Variants in LINGO2 observed in about 807,000 individuals in gnomAD.
The protein encoded by LINGO2 is leucine-rich repeat and immunoglobulin-like domain-containing nogo receptor-interacting protein 2.
In LINGO2, 14 loss-of-function variants were observed where a neutral mutation model predicts 30.6. That is an observed-to-expected ratio of 0.46 (90% CI 0.30 to 0.72). LINGO2 has a LOEUF of 0.72. Among genes scored for constraint, LINGO2 ranks in the 30% least tolerant of loss-of-function variants. The probability of loss-of-function intolerance (pLI) is 0.07; values close to 1 mark genes in which losing one functional copy is unlikely to be tolerated. For missense variants in LINGO2, 729 were observed against 751.7 expected (o/e 0.97, Z 0.35); for synonymous variants, 317 against 288.5 (o/e 1.10, Z -1.00).
the LINGO2 span, among the ~76,000 whole-genome samples, chr9:29,084,182 A>T: frequency 8.2e-6 from 1 of 121,560 alleles, no homozygotes; most frequent in African/African-American, 3.7e-5. Context: ...ATAAACCTAG[A>T]TTATTCTACA....
intron 5 of LINGO2, among the ~76,000 whole-genome samples, chr9:27,972,035 C>A (rs1045581182): frequency 1.3e-5 from 2 of 152,092 alleles, no homozygotes; most frequent in African/African-American, 2.4e-5. Context: ...CTTCTTTGAT[C>A]CTTTCCCTAA....
At chr9:28,081,370 CTT>C (rs1825768798) in intron 4 of LINGO2, among the ~76,000 whole-genome samples, 1 of 151,606 alleles carries the variant, frequency 6.6e-6, no homozygotes, top group Admixed American at 6.6e-5. Flanking sequence ...TAAATTACCT[CTT>C]ATGATGAACC....
intron 1 of LINGO2, among the ~76,000 whole-genome samples, chr9:28,604,782 A>G (rs866686330): frequency 6.6e-6 from 1 of 152,002 alleles, no homozygotes; most frequent in South Asian, 2.1e-4. Flanking sequence ...CATATTTACA[A>G]TTGAAATGGG....
At chr9:28,356,954 T>C (rs914733202) in intron 3 of LINGO2, among the ~76,000 whole-genome samples, 4 of 151,918 alleles carry the variant, frequency 2.6e-5, no homozygotes, top group Non-Finnish European at 5.9e-5. Flanking sequence ...TTTAAAGGGC[T>C]ACACACTAAC....
chr9:29,153,518 G>C, the LINGO2 span, among the ~76,000 whole-genome samples: 1 of 152,068 alleles, frequency 6.6e-6, no homozygotes, highest in African/African-American at 2.4e-5. Flanking sequence ...TTTATTATTT[G>C]TTTTTGGAAA....
intron 1 of LINGO2, among the ~76,000 whole-genome samples, chr9:28,585,456 T>C (rs893745444): frequency 3.3e-5 from 5 of 151,958 alleles, no homozygotes; most frequent in African/African-American, 4.8e-5. Flanking sequence ...CTTAGGATTT[T>C]TTGAAGTTAT....
intron 3 of LINGO2, among the ~76,000 whole-genome samples, chr9:28,357,217 T>C (rs2134482937): frequency 6.6e-6 from 1 of 152,016 alleles, no homozygotes; most frequent in East Asian, 1.9e-4. Flanking sequence ...ATACTTATTC[T>C]ATAGGCTTAA....
At chr9:29,209,835 C>A in the LINGO2 span, among the ~76,000 whole-genome samples, 3 of 152,048 alleles carry the variant, frequency 2.0e-5, no homozygotes, top group Non-Finnish European at 4.4e-5. Context: ...GAAATATTTA[C>A]ATAAATTGAG....
At chr9:28,609,156 G>GTTT (rs397942277) in intron 1 of LINGO2, among the ~76,000 whole-genome samples, 5,819 of 140,948 alleles carry the variant, frequency 0.041, 151 homozygotes, top group African/African-American at 0.061. Flanking sequence ...GAGCTAAAGA[G>GTTT]TTTTTTTTTT....
chr9:28,358,085 A>G (rs1430153910), intron 3 of LINGO2, among the ~76,000 whole-genome samples: 3 of 152,198 alleles, frequency 2.0e-5, no homozygotes, highest in Non-Finnish European at 4.4e-5. Context: ...TATTATAACT[A>G]CACCAAAACT....
chr9:28,813,382 C>T, the LINGO2 span, among the ~76,000 whole-genome samples: 4,404 of 152,208 alleles, frequency 0.029, 214 homozygotes, highest in African/African-American at 0.096. Flanking sequence ...TAACAATATA[C>T]TGTAGTAAAT....
At chr9:28,618,750 G>C (rs536227130) in intron 1 of LINGO2, among the ~76,000 whole-genome samples, 168 of 152,136 alleles carry the variant, frequency 1.1e-3, no homozygotes, top group African/African-American at 3.9e-3. Context: ...CAGTCTAAAG[G>C]AGACACCAAG....
the LINGO2 span, among the ~76,000 whole-genome samples, chr9:29,147,833 T>G: frequency 3.3e-5 from 5 of 152,066 alleles, no homozygotes; most frequent in African/African-American, 4.8e-5. Context: ...ATTAAAACCA[T>G]CTGCAAACTA....
intron 2 of LINGO2, among the ~76,000 whole-genome samples, chr9:28,470,072 A>C (rs965425761): frequency 5.9e-5 from 9 of 152,192 alleles, no homozygotes; most frequent in Admixed American, 2.0e-4. Flanking sequence ...TGAAATCAAT[A>C]ACATAAAGAT....
intron 1 of LINGO2, among the ~76,000 whole-genome samples, chr9:28,585,236 C>T (rs928358119): frequency 1.4e-4 from 21 of 152,160 alleles, no homozygotes; most frequent in Non-Finnish European, 2.6e-4. Context: ...TCTGTTTTAA[C>T]TGGGCATCTT....
chr9:28,044,964 A>C (rs1824350496), intron 4 of LINGO2, among the ~76,000 whole-genome samples: 1 of 152,120 alleles, frequency 6.6e-6, no homozygotes, highest in African/African-American at 2.4e-5. Context: ...AGACGAGCAG[A>C]AAACAGTTTT....
chr9:28,299,377 GC>G (rs1824048594), intron 3 of LINGO2, among the ~76,000 whole-genome samples: 1 of 151,932 alleles, frequency 6.6e-6, no homozygotes, highest in Non-Finnish European at 1.5e-5. Context: ...GTCAAATTTA[GC>G]CTTTTCTGTC....
At chr9:27,940,381 T>C in the LINGO2 span, 2 of 152,132 alleles carry the variant, frequency 1.3e-5, no homozygotes, top group African/African-American at 2.4e-5. Context: ...TAAGAGTTGA[T>C]GAAAGGCACC....
chr9:28,006,526 G>A (rs1822275648), intron 5 of LINGO2, among the ~76,000 whole-genome samples: 1 of 152,090 alleles, frequency 6.6e-6, no homozygotes, highest in South Asian at 2.1e-4. Flanking sequence ...TAGAACAGAA[G>A]CTCAACTCCA....
Sources: gnomAD v4.1 joint callset for allele counts (sites outside exome capture counted in the v4.1 genomes callset) on GRCh38, gnomAD v4.1.1 for gene constraint, MANE v1.5 for transcripts, NCBI Gene and HGNC (gene_info 2026-07-23, HGNC 2026-07-21) for gene names.